Variants in REEP3 observed in about 807,000 individuals in gnomAD.
REEP3 encodes the protein receptor expression-enhancing protein 3.
REEP3 carries 20 observed loss-of-function variants against 41.3 expected under a neutral mutation model. The observed-to-expected ratio is 0.48, with a 90% CI of 0.34 to 0.70. The LOEUF (loss-of-function observed/expected upper bound fraction) is 0.70. REEP3 is among the 30% of genes least tolerant of loss of function. The pLI, the probability that REEP3 is intolerant of heterozygous loss-of-function variation, is 0.01. For missense variants in REEP3, 271 were observed against 308.8 expected (o/e 0.88, Z 0.92); for synonymous variants, 104 against 101.8 (o/e 1.02, Z -0.13).
intron 1 of REEP3, among the ~76,000 whole-genome samples, chr10:63,542,124 G>T (rs1387943969): frequency 6.7e-6 from 1 of 148,790 alleles, no homozygotes; most frequent in Non-Finnish European, 1.5e-5. Context: ...CTGTTGCCCA[G>T]GCTGGGGTGC....
chr10:63,620,667 AGTG>A (rs1956346575), intron 7 of REEP3, 143 bp from the exon 8 acceptor site: 3 of 485,746 alleles, frequency 6.2e-6, no homozygotes, highest in Non-Finnish European at 1.1e-5. Context: ...GTTTATAAGT[AGTG>A]CTGTCTTATA....
chr10:63,623,629 C>T lies in REEP3; in HGVS notation c.*2760C>T, dbSNP rs1474091679. ...GTTTAGGAGTAAGAATTGACCCATT[C>T]GTTAGTTTACCATATTTTTTCCTGG... On this transcript the variant is annotated 3_prime_UTR_variant, in exon 8 of 8. Coordinates refer to ENST00000373758, the MANE Select transcript of REEP3 (RefSeq NM_001001330.3). 1 of 152,256 alleles carries T rather than the reference C, an allele frequency of 6.6e-6. No homozygotes were observed. The highest frequency in any genetic ancestry group is 2.4e-5 in the African/African-American group (1 of 41,404). 9.4% of individuals were successfully genotyped at this position (152,256 alleles called of 1,614,324 possible). A position where few individuals can be genotyped will look rare whatever the true frequency, so the allele number is the denominator to read the frequency against.
At chr10:63,540,033 CT>C (rs1271555891) in intron 1 of REEP3, among the ~76,000 whole-genome samples, 2 of 152,172 alleles carry the variant, frequency 1.3e-5, no homozygotes, top group Non-Finnish European at 1.5e-5. Flanking sequence ...TTTTCAGTGA[CT>C]TTATGATATT....
intron 5 of REEP3, among the ~76,000 whole-genome samples, chr10:63,606,461 C>G (rs1956230378): frequency 6.6e-6 from 1 of 152,048 alleles, no homozygotes; most frequent in Non-Finnish European, 1.5e-5. Context: ...TCACAGCTCA[C>G]TAAGGCCTCA....
intron 3 of REEP3, among the ~76,000 whole-genome samples, chr10:63,597,062 T>A (rs1162516048): frequency 1.3e-5 from 2 of 152,146 alleles, no homozygotes; most frequent in Non-Finnish European, 2.9e-5. Context: ...AGCTTCTGCT[T>A]GCATGTGACA....
intron 1 of REEP3, among the ~76,000 whole-genome samples, chr10:63,538,624 C>G (rs897202945): frequency 1.3e-5 from 2 of 152,086 alleles, no homozygotes; most frequent in Admixed American, 1.3e-4. Context: ...ATCCCAGATA[C>G]TCGGGAGGCT....
intron 1 of REEP3, among the ~76,000 whole-genome samples, chr10:63,559,689 T>C (rs1207595630): frequency 6.6e-6 from 1 of 152,198 alleles, no homozygotes; most frequent in Non-Finnish European, 1.5e-5. Flanking sequence ...ATCTGTAAAA[T>C]TGGTTTTAAA....
chr10:63,600,605 A>G (rs1470719009), intron 5 of REEP3, among the ~76,000 whole-genome samples: 1 of 152,156 alleles, frequency 6.6e-6, no homozygotes, highest in Non-Finnish European at 1.5e-5. Flanking sequence ...CCTGATTTCC[A>G]TATCTGCTAA....
intron 6 of REEP3, among the ~76,000 whole-genome samples, 163 bp downstream of exon 6, chr10:63,610,497 G>C (rs976530979): frequency 3.9e-5 from 6 of 152,210 alleles, no homozygotes; most frequent in African/African-American, 1.4e-4. Context: ...GTTGGTAGAT[G>C]CAGCAAACCA....
At chr10:63,573,519 A>G (rs1479030632) in intron 2 of REEP3, among the ~76,000 whole-genome samples, 1 of 152,220 alleles carries the variant, frequency 6.6e-6, no homozygotes, top group Non-Finnish European at 1.5e-5. Flanking sequence ...AAAATCAGAC[A>G]TTTGGTTCTG....
intron 1 of REEP3, among the ~76,000 whole-genome samples, chr10:63,540,310 CAT>C (rs201053483): frequency 0.025 from 3,838 of 152,260 alleles, 74 homozygotes; most frequent in Non-Finnish European, 0.038. Flanking sequence ...AGCAAAATAA[CAT>C]ATTTGTGAGA....
chr10:63,592,486 ATTCCCC>A (rs1956073563), intron 2 of REEP3, among the ~76,000 whole-genome samples: 1 of 152,066 alleles, frequency 6.6e-6, no homozygotes, highest in Non-Finnish European at 1.5e-5. Flanking sequence ...AAGCATGATG[ATTCCCC>A]AAATCCCTGC....
intron 2 of REEP3, among the ~76,000 whole-genome samples, chr10:63,592,397 A>G (rs1956072315): frequency 6.6e-6 from 1 of 152,232 alleles, no homozygotes; most frequent in Non-Finnish European, 1.5e-5. Context: ...TGAGAGACTC[A>G]GCCAGAACAG....
chr10:63,534,079 A>G (rs1955452219), intron 1 of REEP3, among the ~76,000 whole-genome samples: 2 of 152,104 alleles, frequency 1.3e-5, no homozygotes, highest in Admixed American at 6.6e-5. Context: ...AAAAATAGTC[A>G]GAAAGTTCTG....
At position 63,555,369 on chromosome 10, in the gene REEP3, A is replaced by T. The variant is rs1332768512; in HGVS notation, c.33-10969A>T. Reference sequence around the variant, plus strand: ...AAATGGGAATTCTCTACTGACAGAGATTTTTAGCAACAAATGTATTTTTCT... The same window carrying T: ...AAATGGGAATTCTCTACTGACAGAGTTTTTTAGCAACAAATGTATTTTTCT... On this transcript the variant is annotated intron_variant, in intron 1 of 7. Coordinates refer to ENST00000373758, the MANE Select transcript of REEP3 (RefSeq NM_001001330.3). Among the ~76,000 whole-genome samples the T allele has an allele frequency of 3.3e-5, 5 of 152,266 alleles. No individual in the cohort carries two copies. In the East Asian group the frequency reaches 7.7e-4, roughly 24 times the overall value.
chr10:63,580,782 G>A (rs926098846), intron 2 of REEP3, among the ~76,000 whole-genome samples: 13 of 152,330 alleles, frequency 8.5e-5, no homozygotes, highest in African/African-American at 2.9e-4. Flanking sequence ...ACTTTGGGAG[G>A]CCAAGGCAGG....
At chr10:63,608,643 A>G (rs1956250919) in intron 5 of REEP3, among the ~76,000 whole-genome samples, 1 of 152,276 alleles carries the variant, frequency 6.6e-6, no homozygotes, top group Non-Finnish European at 1.5e-5. Context: ...CTAGCTATAA[A>G]TAAGAAGTGA....
chr10:63,531,145 A>G (rs1955417877), intron 1 of REEP3, among the ~76,000 whole-genome samples: 1 of 152,262 alleles, frequency 6.6e-6, no homozygotes, highest in African/African-American at 2.4e-5. Context: ...CAGGGAAAAC[A>G]GTAGCAATCA....
chr10:63,589,428 G>A (rs1589878412), intron 2 of REEP3, among the ~76,000 whole-genome samples: 1 of 152,136 alleles, frequency 6.6e-6, no homozygotes, highest in African/African-American at 2.4e-5. Flanking sequence ...GCCTCCTTTG[G>A]GTTTGGCCCA....
Sources: gnomAD v4.1 joint callset for allele counts (sites outside exome capture counted in the v4.1 genomes callset) on GRCh38, gnomAD v4.1.1 for gene constraint, MANE v1.5 for transcripts, NCBI Gene and HGNC (gene_info 2026-07-23, HGNC 2026-07-21) for gene names.